SOCS4: variants seen among roughly 807,000 people sequenced by gnomAD.
SOCS4 encodes SH2 domain containing SOCS box protein.
Under a neutral mutation model 34.1 loss-of-function variants are expected in SOCS4, and 20 were observed. The observed-to-expected ratio is 0.59, with a 90% CI of 0.41 to 0.85. SOCS4 has a LOEUF of 0.85. Among genes scored for constraint, SOCS4 ranks in the 40% least tolerant of loss-of-function variants. The pLI is 0.00. For synonymous variants in SOCS4, 180 were observed against 186.4 expected (o/e 0.97, Z 0.28); for missense variants, 479 against 532.4 (o/e 0.90, Z 0.99).
chr14:55,044,486 T>C lies in SOCS4; in HGVS notation c.*122T>C, dbSNP rs548036991. ...GGTGTCCAAAATAAAATCTCTGCCC[T>C]AAATTTTACTAATAAATCCATTTTT... is the stretch of plus-strand genomic sequence containing the variant. On this transcript the variant is annotated 3_prime_UTR_variant, in exon 3 of 3. Coordinates refer to ENST00000555846, the MANE Select transcript of SOCS4 (RefSeq NM_199421.2). The C allele has an allele frequency of 1.4e-5, 9 of 631,584 alleles. No homozygotes were observed. Among genetic ancestry groups the C allele is most frequent in the Non-Finnish European group, 1.9e-5 (8 of 427,542 alleles). The allele number at this position is 631,584 out of a possible 1,614,324, so 39.1% of individuals were successfully genotyped here.
intron 1 of SOCS4, among the ~76,000 whole-genome samples, chr14:55,029,961 C>T (rs890870255): frequency 5.3e-5 from 8 of 152,154 alleles, no homozygotes; most frequent in African/African-American, 1.9e-4. Flanking sequence ...TACATTAACA[C>T]TAGATCCTTA....
rs968175433 is a variant in SOCS4, at chr14:55,043,856, A to C, written c.815A>C (p.His272Pro). The change falls in exon 3 of 3, where the codon CAC (histidine) becomes CCC (proline). Residue 272 changes from histidine to proline, a missense_variant. Coordinates refer to ENST00000555846, the MANE Select transcript of SOCS4 (RefSeq NM_199421.2). ...PKYHTQIDYV[H>P]CLVPDLLQIN... ...TACCACACGCAGATTGATTATGTCC[A>C]CTGTCTTGTACCAGACCTCCTTCAG... is the stretch of plus-strand genomic sequence containing the variant. The C allele has an allele frequency of 6.2e-7, 1 of 1,614,190 alleles. No homozygotes were observed. The highest frequency in any genetic ancestry group is 1.6e-4 in the Middle Eastern group (1 of 6,062).
intron 2 of SOCS4, among the ~76,000 whole-genome samples, chr14:55,035,041 A>C (rs1331673970): frequency 6.6e-6 from 1 of 151,966 alleles, no homozygotes; most frequent in Non-Finnish European, 1.5e-5. Flanking sequence ...TTGTGTTTTT[A>C]GTAGAGAGGA....
chr14:55,034,963 C>G (rs2042559896), intron 2 of SOCS4, among the ~76,000 whole-genome samples: 1 of 151,726 alleles, frequency 6.6e-6, no homozygotes, highest in Admixed American at 6.6e-5. Flanking sequence ...CAGGTTCAAG[C>G]CATTCTTCTG....
Position 55,045,275 on chromosome 14 carries a change from C to T in SOCS4, c.*911C>T, listed in dbSNP as rs925688106. The T allele has an allele frequency of 6.0e-6, 1 of 166,874 alleles. No homozygotes were observed. The highest frequency in any genetic ancestry group is 1.5e-5 in the Non-Finnish European group (1 of 68,010). The allele number at this position is 166,874 out of a possible 1,614,324, so 10.3% of individuals were successfully genotyped here. A position where few individuals can be genotyped will look rare whatever the true frequency, so the allele number is the denominator to read the frequency against. ...TATGAACTGTTGCTTCTACTTAGCC[C>T]TTTTATAGAAACTCTGAGCTGTTAC... On this transcript the variant is annotated 3_prime_UTR_variant, in exon 3 of 3. Transcript: ENST00000555846.
At chr14:55,041,781 A>ATTT (rs2042620490) in intron 2 of SOCS4, among the ~76,000 whole-genome samples, 1 of 72,874 alleles carries the variant, frequency 1.4e-5, no homozygotes, top group Non-Finnish European at 2.7e-5. Context: ...CCAACCCTTA[A>ATTT]TCTTTTTTTT....
rs2042696189 is a variant in SOCS4, at chr14:55,048,470, CT to C, written c.*4109del. 2 of 166,988 alleles carry C rather than the reference CT, an allele frequency of 1.2e-5. No homozygotes were observed. Among genetic ancestry groups the C allele is most frequent in the East Asian group, 1.9e-4 (1 of 5,198 alleles). 10.3% of individuals were successfully genotyped at this position (166,988 alleles called of 1,614,324 possible). A position where few individuals can be genotyped will look rare whatever the true frequency, so the allele number is the denominator to read the frequency against. ...TTCGTCAAGCAAACTACTGTTTCTA[CT>C]TTGGGGGAAAAAAGTCAGTTTTACA... On this transcript the variant is annotated 3_prime_UTR_variant, in exon 3 of 3. Coordinates refer to ENST00000555846, the MANE Select transcript of SOCS4 (RefSeq NM_199421.2).
chr14:55,041,383 G>A (rs567503391), intron 2 of SOCS4, among the ~76,000 whole-genome samples: 4 of 151,688 alleles, frequency 2.6e-5, no homozygotes, highest in Non-Finnish European at 4.4e-5. Flanking sequence ...ATATCAGACT[G>A]TTGAGTATGA....
rs2042571451 is a variant in SOCS4 at position 55,036,263 on chromosome 14, AAATTAG to A, written c.-91+4276_-91+4281del. ...TCTCCTCTTTATCTCTAGGCTTCTA[AAATTAG>A]AATAATGTACTTTGATGTTGAGTGG... On this transcript the variant is annotated intron_variant, in intron 2 of 2. Transcript: ENST00000555846. Among the ~76,000 whole-genome samples the A allele has an allele frequency of 2.0e-5, 3 of 152,334 alleles. No homozygotes were observed. The South Asian group carries it at 6.2e-4, about 32-fold the overall frequency.
Position 55,049,406 on chromosome 14 carries a change from T to C in SOCS4, c.*5042T>C, listed in dbSNP as rs1023144908. 1.1e-4 allele frequency: 18 copies of C among 167,116 alleles called. No individual in the cohort carries two copies. The highest frequency in any genetic ancestry group is 4.3e-4 in the African/African-American group (18 of 41,472). 10.4% of individuals were successfully genotyped at this position (167,116 alleles called of 1,614,324 possible). On this transcript the variant is annotated 3_prime_UTR_variant, in exon 3 of 3. Coordinates refer to ENST00000555846, the MANE Select transcript of SOCS4 (RefSeq NM_199421.2). The stretch of plus-strand genomic sequence containing the variant: ...TATTTCTAATCCTTAAGTTGAATGT[T>C]TCTTCTTGGATGTAAGTTCAAATAA...
intron 2 of SOCS4, among the ~76,000 whole-genome samples, chr14:55,036,643 C>G (rs2042574781): frequency 6.6e-6 from 1 of 152,126 alleles, no homozygotes; most frequent in South Asian, 2.1e-4. Flanking sequence ...CACACCCGGC[C>G]ATTCCTGGGA....
chr14:55,029,671 T>A (rs1431559807), intron 1 of SOCS4, among the ~76,000 whole-genome samples: 1 of 152,180 alleles, frequency 6.6e-6, no homozygotes, highest in African/African-American at 2.4e-5. Context: ...AAATGATTAA[T>A]CTTGTGAAAG....
chr14:55,046,874 TTACCCC>T lies in SOCS4; in HGVS notation c.*2511_*2516del, dbSNP rs1356298506. 4 of 166,982 alleles carry T rather than the reference TTACCCC, an allele frequency of 2.4e-5. No homozygotes were observed. The highest frequency in any genetic ancestry group is 9.7e-5 in the African/African-American group (4 of 41,430). The allele number at this position is 166,982 out of a possible 1,614,324, so 10.3% of individuals were successfully genotyped here. A position where few individuals can be genotyped will look rare whatever the true frequency, so the allele number is the denominator to read the frequency against. On this transcript the variant is annotated 3_prime_UTR_variant, in exon 3 of 3. Coordinates refer to ENST00000555846, the MANE Select transcript of SOCS4 (RefSeq NM_199421.2). ...ATTAAGGAATTGGAATTCAGAAAGG[TTACCCC>T]CTTCCTCTGTGTCTTTGTAAGGATA...
Position 55,047,749 on chromosome 14 carries a change from G to A in SOCS4, c.*3385G>A, listed in dbSNP as rs1039881683. 6.0e-6 allele frequency: 1 copy of A among 167,024 alleles called. No homozygotes were observed. Among genetic ancestry groups the A allele is most frequent in the Non-Finnish European group, 1.5e-5 (1 of 68,112 alleles). The allele number at this position is 167,024 out of a possible 1,614,324, so 10.3% of individuals were successfully genotyped here. The stretch of plus-strand genomic sequence containing the variant: ...AATGTGGCAAGTAGGACTCCTATCG[G>A]TATACAAATTCCATTTCTTTTTATA... On this transcript the variant is annotated 3_prime_UTR_variant, in exon 3 of 3. Coordinates refer to ENST00000555846, the MANE Select transcript of SOCS4 (RefSeq NM_199421.2).
At position 55,046,253 on chromosome 14, in the gene SOCS4, A is replaced by T. The variant is rs2042675311; in HGVS notation, c.*1889A>T. The T allele has an allele frequency of 6.0e-6, 1 of 166,938 alleles. No individual in the cohort carries two copies. Among genetic ancestry groups the T allele is most frequent in the Non-Finnish European group, 1.5e-5 (1 of 68,022 alleles). The allele number at this position is 166,938 out of a possible 1,614,324, so 10.3% of individuals were successfully genotyped here. A position where few individuals can be genotyped will look rare whatever the true frequency, so the allele number is the denominator to read the frequency against. ...GCTTTTGTAGATCACTGAGAAGCTT[A>T]TCTTATTAACCAATATACCACTTCC... is the stretch of plus-strand genomic sequence containing the variant. On this transcript the variant is annotated 3_prime_UTR_variant, in exon 3 of 3. Transcript: ENST00000555846.
chr14:55,046,910 T>C lies in SOCS4; in HGVS notation c.*2546T>C, dbSNP rs2042681779. On this transcript the variant is annotated 3_prime_UTR_variant, in exon 3 of 3. Transcript: ENST00000555846. ...CTCTGTGTCTTTGTAAGGATACATT[T>C]GGAAGAACATACAGTATTCAGAAAC... 1 of 167,072 alleles carries C rather than the reference T, an allele frequency of 6.0e-6. No individual in the cohort carries two copies. The allele number at this position is 167,072 out of a possible 1,614,324, so 10.3% of individuals were successfully genotyped here.
At chr14:55,032,150 T>G (rs926672736) in intron 2 of SOCS4, among the ~76,000 whole-genome samples, 159 bp downstream of exon 2, 1 of 152,232 alleles carries the variant, frequency 6.6e-6, no homozygotes, top group African/African-American at 2.4e-5. Context: ...TGGTGTTAGA[T>G]GTATGTCAGC....
Position 55,047,493 on chromosome 14 carries a change from A to G in SOCS4, c.*3129A>G, listed in dbSNP as rs753405409. ...ATGCCATTCACTTAAATAATTCATG[A>G]AGGGAATGGTTTAATTTAAAGGAAG... On this transcript the variant is annotated 3_prime_UTR_variant, in exon 3 of 3. Coordinates refer to ENST00000555846, the MANE Select transcript of SOCS4 (RefSeq NM_199421.2). The G allele has an allele frequency of 2.6e-4, 44 of 166,974 alleles. No individual in the cohort carries two copies. The highest frequency in any genetic ancestry group is 1.4e-3 in the Admixed American group (22 of 15,282). 10.3% of individuals were successfully genotyped at this position (166,974 alleles called of 1,614,324 possible).
chr14:55,039,007 C>T (rs1400464785), intron 2 of SOCS4, among the ~76,000 whole-genome samples: 1 of 152,184 alleles, frequency 6.6e-6, no homozygotes, highest in East Asian at 1.9e-4. Context: ...TTTTATTTCT[C>T]ATATTTTCTT....
Sources: allele counts gnomAD v4.1 joint callset (sites outside exome capture counted in the v4.1 genomes callset), GRCh38; gene constraint gnomAD v4.1.1; transcripts MANE v1.5; gene names NCBI Gene and HGNC (gene_info 2026-07-23, HGNC 2026-07-21).